Variants in DPP10 observed in about 807,000 individuals in gnomAD.
The protein encoded by DPP10 is inactive dipeptidyl peptidase 10.
A neutral mutation model predicts 120.9 loss-of-function variants in DPP10; 33 were observed. The ratio of observed to expected loss-of-function variants is 0.27; its 90% confidence interval spans 0.21 to 0.37. DPP10 has a LOEUF of 0.37. DPP10 is among the 10% of genes least tolerant of loss of function. The pLI is 1.00. For synonymous variants in DPP10, 337 were observed against 326.1 expected, an observed-to-expected ratio of 1.03 and a Z score of -0.36; for missense variants, 816 against 942.8, an observed-to-expected ratio of 0.87 and a Z score of 1.76.
At chr2:114,805,952 C>A (rs1684686045) in intron 1 of DPP10, among the ~76,000 whole-genome samples, 1 of 152,142 alleles carries the variant, frequency 6.6e-6, no homozygotes, top group Non-Finnish European at 1.5e-5. Flanking sequence ...TTGGTGGACA[C>A]AACAATCTCT....
chr2:114,963,612 C>T (rs560911945), intron 1 of DPP10, among the ~76,000 whole-genome samples: 1 of 152,228 alleles, frequency 6.6e-6, no homozygotes, highest in South Asian at 2.1e-4. Flanking sequence ...CAATTATTAC[C>T]GTTTCTAGTG....
At chr2:114,682,762 A>ATCTG (rs1242052930) in intron 1 of DPP10, among the ~76,000 whole-genome samples, 270 of 144,890 alleles carry the variant, frequency 1.9e-3, no homozygotes, top group East Asian at 9.6e-3. Flanking sequence ...CTATCTATCT[A>ATCTG]TCTGTCTGTC....
At chr2:115,532,425 CTG>C (rs1482993897) in intron 5 of DPP10, among the ~76,000 whole-genome samples, 2 of 152,018 alleles carry the variant, frequency 1.3e-5, no homozygotes, top group Non-Finnish European at 2.9e-5. Flanking sequence ...TACAGATTAA[CTG>C]TGTATTTTCC....
intron 1 of DPP10, among the ~76,000 whole-genome samples, chr2:114,949,179 TC>T (rs1697590038): frequency 6.6e-6 from 1 of 152,016 alleles, no homozygotes; most frequent in Non-Finnish European, 1.5e-5. Flanking sequence ...CGCCTCGGCC[TC>T]CCAAAATGCT....
rs1682689773 is a variant in DPP10 at position 115,780,938 on chromosome 2, A to G, written c.1426A>G (p.Thr476Ala). 1 of 1,604,670 alleles carries G rather than the reference A, an allele frequency of 6.2e-7. No homozygotes were observed. The highest frequency in any genetic ancestry group is 8.5e-7 in the Non-Finnish European group (1 of 1,173,574). Residue 476 changes from threonine to alanine, a missense_variant, in exon 16 of 26, where the codon ACA (threonine) becomes GCA (alanine). This residue lies in a region of DPP10 where 592 missense variants were observed against 649.0 expected (regional missense o/e 0.91). Coordinates refer to ENST00000410059, the MANE Select transcript of DPP10 (RefSeq NM_020868.6). Reference protein sequence around the residue: ...ISCNFMKEQCTYFDASFSPMN... With the variant: ...ISCNFMKEQCAYFDASFSPMN... ...ATGTAATTTCATGAAAGAACAATGTACATATTTTGATGCCAGTTTTAGTCC... is the reference window on the plus strand; with the variant it reads ...ATGTAATTTCATGAAAGAACAATGTGCATATTTTGATGCCAGTTTTAGTCC...
chr2:115,572,730 G>A (rs888091101), intron 5 of DPP10, among the ~76,000 whole-genome samples: 2 of 152,192 alleles, frequency 1.3e-5, no homozygotes, highest in Non-Finnish European at 2.9e-5. Context: ...CTTAATGTCA[G>A]GGTGTTGATT....
At position 115,712,543 on chromosome 2, in the gene DPP10, A is replaced by AAT. The variant is rs1553486145; in HGVS notation, c.577-15251_577-15250dup. Among the ~76,000 whole-genome samples the AAT allele has an allele frequency of 6.2e-4, 40 of 64,292 alleles. 4 individuals are homozygous for AAT. The highest frequency in any genetic ancestry group is 2.2e-3 in the African/African-American group (40 of 18,182). 42.2% of individuals were successfully genotyped at this position (64,292 alleles called of 152,430 possible). On this transcript the variant is annotated intron_variant, in intron 7 of 25. Transcript: ENST00000410059. ...AATAGCTTTGAAGAGTCCTGAATTA[A>AAT]ATATATATATATATATATATATAAA... is the stretch of plus-strand genomic sequence containing the variant.
intron 1 of DPP10, among the ~76,000 whole-genome samples, chr2:115,283,892 T>C (rs1168240315): frequency 6.6e-6 from 1 of 152,026 alleles, no homozygotes; most frequent in Non-Finnish European, 1.5e-5. Context: ...CATTCACAGA[T>C]TTGTGGTCTA....
intron 7 of DPP10, among the ~76,000 whole-genome samples, chr2:115,719,898 C>T (rs1274094697): frequency 6.6e-6 from 1 of 152,162 alleles, no homozygotes; most frequent in Admixed American, 6.5e-5. Context: ...TATTCTGACA[C>T]CTACCAGTAA....
At chr2:115,332,682 A>G (rs1408222928) in intron 2 of DPP10, among the ~76,000 whole-genome samples, 1 of 152,138 alleles carries the variant, frequency 6.6e-6, no homozygotes, top group Non-Finnish European at 1.5e-5. Flanking sequence ...TTTGTTATGT[A>G]CCCAGTAGTC....
intron 3 of DPP10, among the ~76,000 whole-genome samples, chr2:115,364,819 C>T (rs536616004): frequency 6.6e-6 from 1 of 152,128 alleles, no homozygotes; most frequent in Admixed American, 6.6e-5. Context: ...TTTGGTACAA[C>T]AGACCCTAAT....
In DPP10 at chr2:114,647,079, G is replaced by A. The variant is rs142514666; in HGVS notation, c.60+204241G>A. Among the ~76,000 whole-genome samples, 294 of 152,294 alleles carry A rather than the reference G, an allele frequency of 1.9e-3. 2 individuals are homozygous for A. Among genetic ancestry groups the A allele is most frequent in the African/African-American group, 6.5e-3 (269 of 41,562 alleles). Reference sequence around the variant, plus strand: ...CCATAACATCATCTTTCAATTAGCCGTGGTCGTTGCCTCCTATGTATATTC... The same window carrying A: ...CCATAACATCATCTTTCAATTAGCCATGGTCGTTGCCTCCTATGTATATTC... On this transcript the variant is annotated intron_variant, in intron 1 of 25. Coordinates refer to ENST00000410059, the MANE Select transcript of DPP10 (RefSeq NM_020868.6).
intron 1 of DPP10, among the ~76,000 whole-genome samples, chr2:114,718,442 G>A (rs1701497475): frequency 6.8e-6 from 1 of 147,016 alleles, no homozygotes; most frequent in African/African-American, 2.5e-5. Flanking sequence ...CCTCAGTTGT[G>A]CTAGCTGCAC....
At chr2:114,465,480 G>T (rs1326187349) in intron 1 of DPP10, among the ~76,000 whole-genome samples, 1 of 151,762 alleles carries the variant, frequency 6.6e-6, no homozygotes, top group Non-Finnish European at 1.5e-5. Flanking sequence ...CAATTTCCCT[G>T]CTCCCAGCCA....
intron 1 of DPP10, among the ~76,000 whole-genome samples, chr2:114,451,423 A>G (rs1678268138): frequency 1.3e-5 from 2 of 152,134 alleles, no homozygotes; most frequent in Non-Finnish European, 2.9e-5. Flanking sequence ...ATGTAAAGTG[A>G]TGAGTATTAA....
chr2:114,579,555 T>C (rs1489994314), intron 1 of DPP10, among the ~76,000 whole-genome samples: 1 of 152,236 alleles, frequency 6.6e-6, no homozygotes, highest in Non-Finnish European at 1.5e-5. Context: ...CTAAACTTTC[T>C]GTAGAATTTA....
intron 5 of DPP10, among the ~76,000 whole-genome samples, chr2:115,631,338 A>G (rs1406426802): frequency 6.6e-6 from 1 of 151,738 alleles, no homozygotes; most frequent in Non-Finnish European, 1.5e-5. Flanking sequence ...CTAGTGGTCT[A>G]TTTTATTAAT....
chr2:114,738,427 G>A (rs1220276796), intron 1 of DPP10, among the ~76,000 whole-genome samples: 2 of 152,142 alleles, frequency 1.3e-5, no homozygotes, highest in East Asian at 1.9e-4. Flanking sequence ...CAGATACATA[G>A]CTTCTCAGCT....
intron 1 of DPP10, among the ~76,000 whole-genome samples, chr2:114,972,096 A>G (rs918187264): frequency 9.2e-5 from 14 of 152,212 alleles, no homozygotes; most frequent in African/African-American, 3.4e-4. Flanking sequence ...TTGAATGGTA[A>G]TCACAACTAT....
Sources: gnomAD v4.1 joint callset for allele counts (sites outside exome capture counted in the v4.1 genomes callset) on GRCh38, gnomAD v4.1.1 for gene constraint, gnomAD v4.1.1 regional missense constraint, MANE v1.5 for transcripts, NCBI Gene and HGNC (gene_info 2026-07-23, HGNC 2026-07-21) for gene names.